PAN3: variants seen among roughly 807,000 people sequenced by gnomAD.
The protein encoded by PAN3 is PAN2-PAN3 deadenylation complex subunit PAN3.
Under a neutral mutation model 96.2 loss-of-function variants are expected in PAN3, and 19 were observed. The observed-to-expected ratio is 0.20, with a 90% CI of 0.14 to 0.29. The LOEUF (loss-of-function observed/expected upper bound fraction) is 0.29. PAN3 is among the 10% of genes least tolerant of loss of function. PAN3 has a pLI of 1.00. For missense variants in PAN3, 882 were observed against 1,108.1 expected (o/e 0.80, Z 2.90); for synonymous variants, 433 against 406.6 (o/e 1.06, Z -0.78).
chr13:28,204,121 T>G lies in PAN3; in HGVS notation c.852+6775T>G, dbSNP rs567847806. Among the ~76,000 whole-genome samples the G allele has an allele frequency of 6.6e-5, 10 of 152,134 alleles. No homozygotes were observed. In the East Asian group the frequency reaches 1.3e-3, roughly 21 times the overall value. ...ACCACGCCCGACCAGCTTCTCTGTT[T>G]TATATTTTTTTCATCATCTCAGCCC... is the stretch of plus-strand genomic sequence containing the variant. On this transcript the variant is annotated intron_variant, in intron 5 of 18. Coordinates refer to ENST00000380958, the MANE Select transcript of PAN3 (RefSeq NM_175854.8).
At chr13:28,194,153 A>T (rs965297842) in intron 4 of PAN3, among the ~76,000 whole-genome samples, 4 of 151,218 alleles carry the variant, frequency 2.6e-5, no homozygotes, top group East Asian at 2.0e-4. Context: ...TCTCAAAAAA[A>T]AAAATAAAAA....
At chr13:28,292,182 A>G (rs891432690) in intron 18 of PAN3, among the ~76,000 whole-genome samples, 200 bp from the exon 19 acceptor site, 1 of 152,222 alleles carries the variant, frequency 6.6e-6, no homozygotes, top group Non-Finnish European at 1.5e-5. Flanking sequence ...GAAGGGATAG[A>G]AACATAGGGC....
chr13:28,158,074 G>A (rs977757657), intron 1 of PAN3, among the ~76,000 whole-genome samples: 1 of 152,172 alleles, frequency 6.6e-6, no homozygotes, highest in Non-Finnish European at 1.5e-5. Context: ...CTTCCACGGA[G>A]TTGACAAAAA....
At chr13:28,141,754 C>T (rs1869880329) in intron 1 of PAN3, among the ~76,000 whole-genome samples, 1 of 152,154 alleles carries the variant, frequency 6.6e-6, no homozygotes, top group South Asian at 2.1e-4. Context: ...GCCACCGCAC[C>T]TGGCCGAGGA....
chr13:28,244,953 A>G (rs924283253), intron 6 of PAN3, among the ~76,000 whole-genome samples: 5 of 152,170 alleles, frequency 3.3e-5, no homozygotes, highest in East Asian at 1.9e-4. Context: ...GGTTCTAGCA[A>G]TTCTCCTGCC....
intron 6 of PAN3, among the ~76,000 whole-genome samples, chr13:28,229,372 C>G (rs1019730470): frequency 2.0e-5 from 3 of 152,092 alleles, no homozygotes; most frequent in Non-Finnish European, 4.4e-5. Flanking sequence ...ATTGTCAGAA[C>G]TTTATATTTT....
At chr13:28,149,975 G>C (rs1207857610) in intron 1 of PAN3, among the ~76,000 whole-genome samples, 1 of 152,144 alleles carries the variant, frequency 6.6e-6, no homozygotes, top group Non-Finnish European at 1.5e-5. Context: ...AAATACAGCA[G>C]TTATATAGTT....
At position 28,176,854 on chromosome 13, in the gene PAN3, A is replaced by G. The variant is rs45582531; in HGVS notation, c.619+295A>G. 6.9e-3 allele frequency among the ~76,000 whole-genome samples: 1,043 copies of G among 152,180 alleles called. 10 individuals carry two copies. The highest frequency in any genetic ancestry group is 0.024 in the African/African-American group (1,007 of 41,542). ...AGACCATGTCTCTATTATTAAAAAA[A>G]AAAAGAAAAGTGTATAAGTTATATA... On this transcript the variant is annotated intron_variant, in intron 3 of 18. Coordinates refer to ENST00000380958, the MANE Select transcript of PAN3 (RefSeq NM_175854.8).
At chr13:28,183,072 A>G (rs369810314) in intron 4 of PAN3, among the ~76,000 whole-genome samples, 12 of 152,352 alleles carry the variant, frequency 7.9e-5, no homozygotes, top group African/African-American at 2.4e-4. Flanking sequence ...TAATCTGAGT[A>G]TAGCATAGAC....
Position 28,256,300 on chromosome 13 carries a change from T to C in PAN3, c.1009T>C (p.Leu337=), listed in dbSNP as rs1202856257. 3.7e-6 allele frequency: 6 copies of C among 1,612,904 alleles called. No individual in the cohort carries two copies. Among genetic ancestry groups the C allele is most frequent in the Non-Finnish European group, 5.1e-6 (6 of 1,179,376 alleles). The change falls in exon 7 of 19, where the codon TTG becomes CTG. Residue 337 remains leucine (L), a synonymous_variant. Transcript: ENST00000380958. ...TTTTACATCTTCTTCAGGAATGTCG[T>C]TGTCTGCTGGGTCTTCCCCTCTTCA... ...ATAGLAPGMS[L]SAGSSPLHSP...
At chr13:28,259,727 C>G (rs1033480904) in intron 7 of PAN3, among the ~76,000 whole-genome samples, 1 of 151,892 alleles carries the variant, frequency 6.6e-6, no homozygotes, top group African/African-American at 2.4e-5. Flanking sequence ...CAACCTCTGC[C>G]TCCCTGGTTC....
In PAN3 at chr13:28,292,542, C is replaced by A; in HGVS notation, c.*20C>A. 6.3e-7 allele frequency: 1 copy of A among 1,596,352 alleles called. No homozygotes were observed. The highest frequency in any genetic ancestry group is 8.5e-7 in the Non-Finnish European group (1 of 1,172,840). ...TTGTAGTATTTGCTAAAAAAGCACGCAGGACATGGCTAAAGACCTTAACCA... is the reference window on the plus strand; with the variant it reads ...TTGTAGTATTTGCTAAAAAAGCACGAAGGACATGGCTAAAGACCTTAACCA... On this transcript the variant is annotated 3_prime_UTR_variant, in exon 19 of 19. Transcript: ENST00000380958.
intron 17 of PAN3, among the ~76,000 whole-genome samples, chr13:28,282,414 CTAA>C (rs1314346090): frequency 6.6e-6 from 1 of 151,788 alleles, no homozygotes; most frequent in Non-Finnish European, 1.5e-5. Context: ...AGTGTCTTCC[CTAA>C]TAATTTTTCT....
intron 2 of PAN3, among the ~76,000 whole-genome samples, chr13:28,175,745 T>G (rs1341922354): frequency 6.6e-6 from 1 of 152,244 alleles, no homozygotes; most frequent in East Asian, 1.9e-4. Flanking sequence ...AGTTATACCT[T>G]ATTTTAACTG....
chr13:28,208,275 G>A (rs963984251), intron 5 of PAN3, among the ~76,000 whole-genome samples: 1 of 152,084 alleles, frequency 6.6e-6, no homozygotes, highest in African/African-American at 2.4e-5. Context: ...AGCAATAATC[G>A]TAGCTGTGTA....
At chr13:28,220,639 G>GA (rs1213935133) in intron 6 of PAN3, among the ~76,000 whole-genome samples, 1 of 151,950 alleles carries the variant, frequency 6.6e-6, no homozygotes, top group African/African-American at 2.4e-5. Context: ...GGTTATTTAG[G>GA]AAAAAATCTA....
chr13:28,195,350 G>C (rs1877909026), intron 4 of PAN3, among the ~76,000 whole-genome samples: 1 of 152,124 alleles, frequency 6.6e-6, no homozygotes, highest in South Asian at 2.1e-4. Context: ...TTGCCACTGA[G>C]CTGTGATTGT....
At chr13:28,167,673 CAAAAAA>C (rs1166063021) in intron 1 of PAN3, among the ~76,000 whole-genome samples, 6 of 61,332 alleles carry the variant, frequency 9.8e-5, no homozygotes, top group African/African-American at 2.5e-4. Flanking sequence ...CCTGTCTCTA[CAAAAAA>C]AAAAAAAAAA....
chr13:28,206,879 T>A (rs1431688205), intron 5 of PAN3, among the ~76,000 whole-genome samples: 2 of 152,066 alleles, frequency 1.3e-5, no homozygotes, highest in African/African-American at 4.8e-5. Flanking sequence ...TTCAGCTCCT[T>A]CCTAGTCACA....
Sources: gnomAD v4.1 joint callset for allele counts (sites outside exome capture counted in the v4.1 genomes callset) on GRCh38, gnomAD v4.1.1 for gene constraint, MANE v1.5 for transcripts, NCBI Gene and HGNC (gene_info 2026-07-23, HGNC 2026-07-21) for gene names.